RECQL5: variants seen among roughly 807,000 people sequenced by gnomAD.
RECQL5 encodes ATP-dependent DNA helicase Q5.
Under a neutral mutation model 103.4 loss-of-function variants are expected in RECQL5, and 88 were observed. The observed-to-expected ratio is 0.85, with a 90% CI of 0.72 to 1.02. RECQL5 has a LOEUF of 1.02. Among genes scored for constraint, RECQL5 ranks in the 50% least tolerant of loss-of-function variants. The pLI is 0.00. For missense variants in RECQL5, 1,232 were observed against 1,284.3 expected (o/e 0.96, Z 0.62); for synonymous variants, 552 against 507.9 (o/e 1.09, Z -1.17).
chr17:75,664,678 C>T (rs1045339602), intron 3 of RECQL5, among the ~76,000 whole-genome samples: 5 of 151,644 alleles, frequency 3.3e-5, no homozygotes, highest in African/African-American at 7.3e-5. Context: ...TTTGGGAGGC[C>T]GAGGTGGGCG....
chr17:75,628,326 A>G lies in RECQL5; in HGVS notation c.2697T>C (p.Ala899=). 1 of 1,614,104 alleles carries G rather than the reference A, an allele frequency of 6.2e-7. No homozygotes were observed. Among genetic ancestry groups the G allele is most frequent in the Non-Finnish European group, 8.5e-7 (1 of 1,180,026 alleles). Residue 899 remains alanine (A), a synonymous_variant, in exon 18 of 20, where the codon GCT becomes GCC. Coordinates refer to ENST00000317905, the MANE Select transcript of RECQL5 (RefSeq NM_004259.7). ...GAGCGGAGAGCTGGAAGGGGTCTTG[A>G]GCCGTGGGATTCAAGGTGCCCTGTT... is the stretch of plus-strand genomic sequence containing the variant. ...ASEQGTLNPT[A]QDPFQLSAPG...
chr17:75,665,113 G>C lies in RECQL5; in HGVS notation c.190C>G (p.Leu64Val), dbSNP rs61733534. The C allele has an allele frequency of 7.3e-4, 1,185 of 1,612,426 alleles. 15 individuals are homozygous for C. The African/African-American group carries it at 0.014, about 19-fold the overall frequency. Residue 64 changes from leucine to valine, a missense_variant, in exon 3 of 20, where the codon CTC becomes GTC. Leu to Val is a conservative substitution (Grantham distance 32). Coordinates refer to ENST00000317905, the MANE Select transcript of RECQL5 (RefSeq NM_004259.7). ...ATGCCTTTGGCCAACAGAGCAGGGA[G>C]CTGATAGCATAGGGATTTTCCTGCC... ...TGAGKSLCYQLPALLAKGITI... is the reference protein window; with the variant it reads ...TGAGKSLCYQVPALLAKGITI...
In RECQL5 at chr17:75,627,338, G is replaced by T; in HGVS notation, c.*84C>A. 9.9e-7 allele frequency: 1 copy of T among 1,014,490 alleles called. No individual in the cohort carries two copies. The highest frequency in any genetic ancestry group is 1.5e-6 in the Non-Finnish European group (1 of 648,200). 62.8% of individuals were successfully genotyped at this position (1,014,490 alleles called of 1,614,324 possible). A position where few individuals can be genotyped will look rare whatever the true frequency, so the allele number is the denominator to read the frequency against. On this transcript the variant is annotated 3_prime_UTR_variant, in exon 20 of 20. Coordinates refer to ENST00000317905, the MANE Select transcript of RECQL5 (RefSeq NM_004259.7). The stretch of plus-strand genomic sequence containing the variant: ...AGGAGAAGGACTGAGAAAAGACGAT[G>T]GCCCTGGCATCAGCAGGTGAGGCCC...
At position 75,629,005 on chromosome 17, in the gene RECQL5, C is replaced by T; in HGVS notation, c.2418G>A (p.Gly806=). 1.3e-6 allele frequency: 2 copies of T among 1,568,090 alleles called. No homozygotes were observed. Among genetic ancestry groups the T allele is most frequent in the African/African-American group, 2.7e-5 (2 of 73,144 alleles). The part of the protein sequence containing the change: ...GPPMAPEKYT[G]EEDGAGGHSP... ...AATGTCCCCCGGCTCCATCTTCCTC[C>T]CCTGTGTACTTCTCTGGGGCCATCG... The change falls in exon 16 of 20, where the codon GGG becomes GGA. Residue 806 remains glycine (G), a synonymous_variant. Transcript: ENST00000317905.
In RECQL5 at chr17:75,667,107, A is replaced by T. The variant is rs1599073063; in HGVS notation, c.-78T>A. The T allele has an allele frequency of 2.2e-6, 1 of 457,700 alleles. No individual in the cohort carries two copies. The allele number at this position is 457,700 out of a possible 1,614,324, so 28.4% of individuals were successfully genotyped here. On this transcript the variant is annotated 5_prime_UTR_variant, in exon 1 of 20. Coordinates refer to ENST00000317905, the MANE Select transcript of RECQL5 (RefSeq NM_004259.7). ...TGGCTGGTTCCGGAACTGTTCGAAG[A>T]CCCCTATACACAACCCCAACTCAGA...
Position 75,662,702 on chromosome 17 carries a change from A to G in RECQL5, c.548T>C (p.Leu183Pro), listed in dbSNP as rs1362481757. 1.9e-6 allele frequency: 3 copies of G among 1,613,982 alleles called. No individual in the cohort carries two copies. The highest frequency in any genetic ancestry group is 2.5e-6 in the Non-Finnish European group (3 of 1,180,044). The change falls in exon 4 of 20, where the codon CTG (leucine) becomes CCG (proline). Residue 183 changes from leucine (L) to proline (P), a missense_variant. Physicochemically the swap from Leu to Pro is moderately conservative, Grantham distance 98. Coordinates refer to ENST00000317905, the MANE Select transcript of RECQL5 (RefSeq NM_004259.7). ...YLRLGALRSR[L>P]GHAPCVALTA... ...CAGAGCCACACAAGGGGCATGTCCC[A>G]GGCGGGAGCGCAGGGCACCCAGACG...
chr17:75,664,868 G>A (rs562083127), intron 3 of RECQL5, among the ~76,000 whole-genome samples, 183 bp downstream of exon 3: 109 of 141,376 alleles, frequency 7.7e-4, no homozygotes, highest in Middle Eastern at 3.8e-3. Context: ...AGCCAAGATC[G>A]CACCACCGCA....
chr17:75,650,676 C>T, intron 8 of RECQL5: 1 of 1,614,084 alleles, frequency 6.2e-7, no homozygotes. Flanking sequence ...CCTGACTACA[C>T]CAAGCAGCCC....
chr17:75,631,392 G>T, intron 9 of RECQL5, 58 bp downstream of exon 9: 1 of 1,574,156 alleles, frequency 6.4e-7, no homozygotes, highest in South Asian at 1.1e-5. Context: ...TGGCCCTGGC[G>T]CCAAGGGAAT....
intron 7 of RECQL5, among the ~76,000 whole-genome samples, chr17:75,653,177 G>A (rs1322453494): frequency 6.6e-6 from 1 of 152,220 alleles, no homozygotes; most frequent in Non-Finnish European, 1.5e-5. Context: ...ATAGCAGGTG[G>A]TCCCCACAGC....
At chr17:75,658,856 TTA>T (rs2059662308) in intron 6 of RECQL5, among the ~76,000 whole-genome samples, 1 of 152,140 alleles carries the variant, frequency 6.6e-6, no homozygotes. Flanking sequence ...ATGTGCCAGT[TTA>T]TATATGTCTC....
chr17:75,661,574 G>GCCCCTTACCTGCATGGTAAGAAC, intron 5 of RECQL5, 32 bp downstream of exon 5: 1 of 1,491,116 alleles, frequency 6.7e-7, no homozygotes, highest in Non-Finnish European at 9.3e-7. Context: ...CTCTGAGGGT[G>GCCCCTTACCTGCATGGTAAGAAC]AAGAGACTCA....
chr17:75,658,556 G>A, intron 6 of RECQL5, 96 bp from the exon 7 acceptor site: 1 of 1,126,044 alleles, frequency 8.9e-7, no homozygotes, highest in Non-Finnish European at 1.3e-6. Flanking sequence ...GAGGCCAGCA[G>A]ATAGGGAGGG....
rs567975764 is a variant in RECQL5 at position 75,626,882 on chromosome 17, A to C, written c.*540T>G. The C allele has an allele frequency of 2.7e-5, 10 of 367,904 alleles. No homozygotes were observed. Among genetic ancestry groups the C allele is most frequent in the South Asian group, 1.4e-4 (6 of 42,698 alleles). The allele number at this position is 367,904 out of a possible 1,614,324, so 22.8% of individuals were successfully genotyped here. A position where few individuals can be genotyped will look rare whatever the true frequency, so the allele number is the denominator to read the frequency against. On this transcript the variant is annotated 3_prime_UTR_variant, in exon 20 of 20. Coordinates refer to ENST00000317905, the MANE Select transcript of RECQL5 (RefSeq NM_004259.7). The stretch of plus-strand genomic sequence containing the variant: ...GTGCACGCCTGCATGCCCCACAACA[A>C]CACAACTTTATTCCTCTCCCAAACA...
At chr17:75,650,371 T>A (rs1599035433) in intron 8 of RECQL5, 8 of 1,171,346 alleles carry the variant, frequency 6.8e-6, no homozygotes, top group Non-Finnish European at 8.5e-6. Context: ...GTTTCTCTGA[T>A]TTCCTCGCTT....
Position 75,630,184 on chromosome 17 carries a change from C to A in RECQL5, c.1812G>T (p.Lys604Asn). The stretch of plus-strand genomic sequence containing the variant: ...CTGGGTCCGCCTGCACCAGGCCCAC[C>A]TTCTTCAGCACGCTGGCCTTGTAGA... ...ANLYKASVLK[K>N]VADIHRASKD... The change falls in exon 14 of 20, where the codon AAG (lysine) becomes AAT (asparagine). Residue 604 changes from lysine (K) to asparagine (N), a missense_variant and splice_region_variant. Lys to Asn is a moderately conservative substitution (Grantham distance 94). Coordinates refer to ENST00000317905, the MANE Select transcript of RECQL5 (RefSeq NM_004259.7). 6.5e-7 allele frequency: 1 copy of A among 1,547,218 alleles called. No individual in the cohort carries two copies. Among genetic ancestry groups the A allele is most frequent in the Non-Finnish European group, 8.7e-7 (1 of 1,144,820 alleles).
At chr17:75,648,497 C>T (rs113919891) in intron 8 of RECQL5, among the ~76,000 whole-genome samples, 5 of 151,534 alleles carry the variant, frequency 3.3e-5, no homozygotes, top group Admixed American at 1.3e-4. Context: ...CTCAGCCTCC[C>T]GAGTAGCTGG....
chr17:75,636,238 C>T lies in RECQL5; in HGVS notation c.1230-4570G>A, dbSNP rs1053730201. The stretch of plus-strand genomic sequence containing the variant: ...AGCCTCCAACCAAGGCACTACTGAG[C>T]GTGGGGTTGGGAGGGACTCTGGTTG... On this transcript the variant is annotated intron_variant, in intron 8 of 19. Transcript: ENST00000317905. This position sits in a 1 kb window ranked among gnomAD's most constrained non-coding sequence, Gnocchi z 5.4. Among the ~76,000 whole-genome samples, 2 of 152,136 alleles carry T rather than the reference C, an allele frequency of 1.3e-5. No homozygotes were observed. The highest frequency in any genetic ancestry group is 2.4e-5 in the African/African-American group (1 of 41,426).
chr17:75,654,654 C>T (rs573136565), intron 7 of RECQL5, among the ~76,000 whole-genome samples: 4 of 152,034 alleles, frequency 2.6e-5, no homozygotes, highest in African/African-American at 9.7e-5. Flanking sequence ...GAGTCTTGCT[C>T]TGTCACCCAG....
Sources: gnomAD v4.1 joint callset for allele counts (sites outside exome capture counted in the v4.1 genomes callset) on GRCh38, gnomAD v4.1.1 for gene constraint, Gnocchi (gnomAD v3.1) non-coding constraint, MANE v1.5 for transcripts, NCBI Gene and HGNC (gene_info 2026-07-23, HGNC 2026-07-21) for gene names.